TMEM108: variants seen among roughly 807,000 people sequenced by gnomAD.
TMEM108 encodes the protein cancer/testis antigen 124.
In TMEM108, 12 loss-of-function variants were observed where a neutral mutation model predicts 35.1. The ratio of observed to expected loss-of-function variants is 0.34; its 90% CI spans 0.22 to 0.55. The LOEUF is 0.55. TMEM108 is among the 20% of genes least tolerant of loss of function. TMEM108 has a pLI of 0.89. For synonymous variants in TMEM108, 287 were observed against 308.6 expected, an observed-to-expected ratio of 0.93 and a Z score of 0.73; for missense variants, 680 against 753.3, an observed-to-expected ratio of 0.90 and a Z score of 1.14.
chr3:133,195,963 C>T (rs1222330032), intron 2 of TMEM108, among the ~76,000 whole-genome samples: 1 of 152,210 alleles, frequency 6.6e-6, no homozygotes, highest in South Asian at 2.1e-4. Context: ...CTGGGGCAAT[C>T]AGATAGATAT....
At chr3:133,138,147 G>A (rs1234205639) in intron 2 of TMEM108, among the ~76,000 whole-genome samples, 2 of 152,130 alleles carry the variant, frequency 1.3e-5, no homozygotes, top group Non-Finnish European at 2.9e-5. Flanking sequence ...TAGCCAGGTT[G>A]TCACCCACAA....
intron 1 of TMEM108, among the ~76,000 whole-genome samples, chr3:133,041,155 T>C (rs951299007): frequency 6.6e-6 from 1 of 152,206 alleles, no homozygotes; most frequent in Non-Finnish European, 1.5e-5. Context: ...TTTTGGATCC[T>C]TGAGGAGGCA....
chr3:133,269,777 A>G (rs1048669497), intron 3 of TMEM108, among the ~76,000 whole-genome samples: 2 of 152,192 alleles, frequency 1.3e-5, no homozygotes, highest in African/African-American at 4.8e-5. Context: ...ACAGAGCCTT[A>G]GGGAGAAGAG....
intron 2 of TMEM108, among the ~76,000 whole-genome samples, chr3:133,070,316 G>A (rs1943660916): frequency 6.6e-6 from 1 of 152,164 alleles, no homozygotes; most frequent in African/African-American, 2.4e-5. Context: ...GCTTACACAA[G>A]TGAGGACAAG....
chr3:133,044,323 AGTCGTGACTACTTTGT>A (rs888434435), intron 1 of TMEM108, among the ~76,000 whole-genome samples: 2 of 152,266 alleles, frequency 1.3e-5, no homozygotes, highest in Middle Eastern at 3.4e-3. Context: ...AGAGTAGGAG[AGTCGTGACTACTTTGT>A]TTCCTGTTCC....
chr3:133,316,418 T>C (rs2071199964), intron 3 of TMEM108, among the ~76,000 whole-genome samples: 1 of 152,206 alleles, frequency 6.6e-6, no homozygotes, highest in African/African-American at 2.4e-5. Flanking sequence ...GGGTATACAC[T>C]GAAGAGGCTA....
intron 2 of TMEM108, among the ~76,000 whole-genome samples, chr3:133,060,537 C>T (rs1163982486): frequency 6.6e-6 from 1 of 152,068 alleles, no homozygotes; most frequent in East Asian, 1.9e-4. Context: ...TTTGTATACC[C>T]CCCAAATTCA....
At chr3:133,047,326 C>T (rs1002842005) in intron 2 of TMEM108, among the ~76,000 whole-genome samples, 3 of 152,094 alleles carry the variant, frequency 2.0e-5, no homozygotes, top group Admixed American at 1.3e-4. Context: ...CCTGTATATC[C>T]TCTATTTTAA....
chr3:133,305,889 C>T (rs575234192), intron 3 of TMEM108, among the ~76,000 whole-genome samples: 108 of 152,080 alleles, frequency 7.1e-4, no homozygotes, highest in African/African-American at 2.5e-3. Flanking sequence ...TCTTCTTTCG[C>T]GACATGTCTA....
At chr3:133,348,090 G>C (rs1192261612) in intron 3 of TMEM108, among the ~76,000 whole-genome samples, 3 of 151,096 alleles carry the variant, frequency 2.0e-5, no homozygotes, top group Non-Finnish European at 4.4e-5. Flanking sequence ...AAGTAGTAAA[G>C]ATATTTTTGA....
At chr3:133,191,205 A>G (rs1449244300) in intron 2 of TMEM108, among the ~76,000 whole-genome samples, 1 of 152,236 alleles carries the variant, frequency 6.6e-6, no homozygotes. Flanking sequence ...GGTTCTTTTA[A>G]GAAAAATACA....
intron 3 of TMEM108, among the ~76,000 whole-genome samples, chr3:133,260,937 G>C (rs1946614767): frequency 6.6e-6 from 1 of 152,168 alleles, no homozygotes; most frequent in African/African-American, 2.4e-5. Flanking sequence ...GGCAAGTTCA[G>C]TCAACCCAGA....
intron 3 of TMEM108, among the ~76,000 whole-genome samples, chr3:133,234,219 A>G (rs1385703564): frequency 6.6e-6 from 1 of 152,028 alleles, no homozygotes; most frequent in Non-Finnish European, 1.5e-5. Flanking sequence ...ATTTTTGTAT[A>G]AGGTGTAAGG....
At chr3:133,052,172 A>G (rs1209559202) in intron 2 of TMEM108, among the ~76,000 whole-genome samples, 5 of 152,154 alleles carry the variant, frequency 3.3e-5, no homozygotes, top group Admixed American at 6.5e-5. Context: ...AGAGTTTTGT[A>G]GTTTTCCTCA....
intron 3 of TMEM108, among the ~76,000 whole-genome samples, chr3:133,326,886 G>T (rs1312543887): frequency 1.3e-5 from 2 of 152,232 alleles, no homozygotes; most frequent in Non-Finnish European, 2.9e-5. Context: ...AGACATTCAA[G>T]TGCCCACAGT....
intron 3 of TMEM108, among the ~76,000 whole-genome samples, chr3:133,324,811 A>G (rs145938283): frequency 0.028 from 4,337 of 152,288 alleles, 189 homozygotes; most frequent in African/African-American, 0.09. Context: ...CCCTGTGTCT[A>G]CTAAAAATAC....
chr3:133,068,561 G>A (rs1469178058), intron 2 of TMEM108, among the ~76,000 whole-genome samples: 1 of 152,150 alleles, frequency 6.6e-6, no homozygotes, highest in Non-Finnish European at 1.5e-5. Flanking sequence ...AGAGAAAGCT[G>A]ATGAAGGGTT....
chr3:133,342,000 A>G (rs2107747942), intron 3 of TMEM108, among the ~76,000 whole-genome samples: 1 of 152,070 alleles, frequency 6.6e-6, no homozygotes, highest in Middle Eastern at 3.4e-3. Context: ...AACACCCCAC[A>G]AGCACAGGCA....
intron 2 of TMEM108, among the ~76,000 whole-genome samples, chr3:133,054,680 G>A (rs1943444659): frequency 6.6e-6 from 1 of 152,212 alleles, no homozygotes; most frequent in Non-Finnish European, 1.5e-5. Flanking sequence ...ATAAGGGAAT[G>A]CATTCTAATA....
Sources: gnomAD v4.1 joint callset for allele counts (sites outside exome capture counted in the v4.1 genomes callset) on GRCh38, gnomAD v4.1.1 for gene constraint, MANE v1.5 for transcripts, NCBI Gene and HGNC (gene_info 2026-07-23, HGNC 2026-07-21) for gene names.